The following FOCAD variants were observed in gnomAD, a reference collection of about 807,000 sequenced individuals.
FOCAD encodes focadhesin, also known as KIAA1797.
In FOCAD, 198 loss-of-function variants were observed where a neutral mutation model predicts 225.6. The observed-to-expected ratio is 0.88, with a 90% CI of 0.78 to 0.99. FOCAD has a LOEUF of 0.99. Ranked by LOEUF, FOCAD falls within the 50% of genes least tolerant of loss-of-function variation. FOCAD has a pLI of 0.00. For synonymous variants in FOCAD, 897 were observed against 755.0 expected, an observed-to-expected ratio of 1.19 and a Z score of -3.08; for missense variants, 2,713 against 2,123.6, an observed-to-expected ratio of 1.28 and a Z score of -5.46.
intron 10 of FOCAD, among the ~76,000 whole-genome samples, chr9:20,785,659 T>C (rs898771546): frequency 2.0e-5 from 3 of 152,234 alleles, no homozygotes; most frequent in African/African-American, 7.2e-5. Context: ...TCCTTTTCTT[T>C]TGTTGACGAA....
At position 20,781,810 on chromosome 9, in the gene FOCAD, T is replaced by G. The variant is rs978787967; in HGVS notation, c.1078T>G (p.Ser360Ala). 5.6e-6 allele frequency: 9 copies of G among 1,614,012 alleles called. No individual in the cohort carries two copies. The highest frequency in any genetic ancestry group is 7.6e-6 in the Non-Finnish European group (9 of 1,179,986). ...AGTGATGCCAATTCTGCAGATACTA[T>G]CTTCTACTGCCTTGGAAGACTGTAT... Reference protein sequence around the residue: ...LLVMPILQILSSTALEDCISV... With the variant: ...LLVMPILQILASTALEDCISV... Residue 360 changes from serine to alanine, a missense_variant, in exon 10 of 44, where the codon TCT becomes GCT. Ser to Ala is a moderately conservative substitution (Grantham distance 99, BLOSUM62 1). Coordinates refer to ENST00000338382, the MANE Select transcript of FOCAD (RefSeq NM_001375567.1).
chr9:20,665,956 G>A (rs1158006818), intron 2 of FOCAD, among the ~76,000 whole-genome samples: 3 of 151,982 alleles, frequency 2.0e-5, no homozygotes, highest in Admixed American at 6.6e-5. Flanking sequence ...GTGCAATGGC[G>A]TGGTCTCAGC....
chr9:20,823,047 A>G lies in FOCAD; in HGVS notation c.1852A>G (p.Thr618Ala), dbSNP rs1312033391. The G allele has an allele frequency of 6.2e-7, 1 of 1,610,086 alleles. No individual in the cohort carries two copies. Among genetic ancestry groups the G allele is most frequent in the South Asian group, 1.1e-5 (1 of 90,656 alleles). Residue 618 changes from threonine to alanine, a missense_variant, in exon 15 of 44, where the codon ACC becomes GCC. Thr to Ala is a moderately conservative substitution (Grantham distance 58). Coordinates refer to ENST00000338382, the MANE Select transcript of FOCAD (RefSeq NM_001375567.1). ...AAISQVLNEC[T>A]KPDQATPAAL... Reference sequence around the variant, plus strand: ...TATTTCTCAAGTGTTGAATGAATGCACCAAGCCTGATCAAGCTACTCCAGC... The same window carrying G: ...TATTTCTCAAGTGTTGAATGAATGCGCCAAGCCTGATCAAGCTACTCCAGC...
At chr9:20,921,154 C>G (rs1834388164) in intron 24 of FOCAD, among the ~76,000 whole-genome samples, 1 of 151,898 alleles carries the variant, frequency 6.6e-6, no homozygotes, top group South Asian at 2.1e-4. Flanking sequence ...ATTTATTTCC[C>G]TTATTATTTA....
intron 11 of FOCAD, among the ~76,000 whole-genome samples, chr9:20,804,862 CG>C (rs1220060488): frequency 7.7e-6 from 1 of 129,070 alleles, no homozygotes; most frequent in African/African-American, 3.0e-5. Context: ...AAATCAGTGG[CG>C]GGGGGTGGGG....
intron 24 of FOCAD, among the ~76,000 whole-genome samples, chr9:20,921,970 C>T (rs917290918): frequency 3.9e-5 from 6 of 152,148 alleles, no homozygotes; most frequent in African/African-American, 9.7e-5. Context: ...ACTCAGATCA[C>T]TCAAAATTTA....
At chr9:20,884,802 C>T (rs1038906735) in intron 20 of FOCAD, among the ~76,000 whole-genome samples, 4 of 151,864 alleles carry the variant, frequency 2.6e-5, no homozygotes, top group Non-Finnish European at 5.9e-5. Flanking sequence ...TGGCTCACAC[C>T]TGTAATCCCA....
At chr9:20,940,401 C>G (rs2132289143) in intron 28 of FOCAD, among the ~76,000 whole-genome samples, 1 of 152,078 alleles carries the variant, frequency 6.6e-6, no homozygotes, top group Admixed American at 6.5e-5. Flanking sequence ...ATCCTCCTGC[C>G]TCAGCCTCAA....
At chr9:20,868,772 C>T (rs916572111) in intron 18 of FOCAD, among the ~76,000 whole-genome samples, 4 of 151,886 alleles carry the variant, frequency 2.6e-5, no homozygotes, top group African/African-American at 4.8e-5. Flanking sequence ...AACAATAGCT[C>T]ACTGCAGTGG....
intron 28 of FOCAD, among the ~76,000 whole-genome samples, chr9:20,939,747 T>A: frequency 6.6e-6 from 1 of 151,368 alleles, no homozygotes; most frequent in South Asian, 2.1e-4. Flanking sequence ...ATTTTATTTT[T>A]TTTCTTTCTT....
chr9:20,833,293 C>A (rs1356735571), intron 15 of FOCAD, among the ~76,000 whole-genome samples: 1 of 151,940 alleles, frequency 6.6e-6, no homozygotes, highest in African/African-American at 2.4e-5. Flanking sequence ...TTACCAATAG[C>A]AGTCCTGAAT....
At chr9:20,716,940 A>G (rs1245424337) in intron 2 of FOCAD, among the ~76,000 whole-genome samples, 9 of 152,188 alleles carry the variant, frequency 5.9e-5, no homozygotes, top group African/African-American at 1.9e-4. Context: ...TCTTAGTGGC[A>G]CACAGTATAA....
At position 20,729,857 on chromosome 9, in the gene FOCAD, A is replaced by C. The variant is rs567930416; in HGVS notation, c.287+9323A>C. Among the ~76,000 whole-genome samples the C allele has an allele frequency of 1.5e-3, 228 of 152,282 alleles. 2 individuals carry two copies. The highest frequency in any genetic ancestry group is 5.2e-3 in the African/African-American group (217 of 41,550). On this transcript the variant is annotated intron_variant, in intron 4 of 43. Transcript: ENST00000338382. The stretch of plus-strand genomic sequence containing the variant: ...GATAGAAGGAGGAGAGATTGAGTGA[A>C]TGGAGAATCAGTGTCAAATATAATT...
intron 33 of FOCAD, 138 bp from the exon 34 acceptor site, chr9:20,950,857 AT>A: frequency 1.5e-6 from 1 of 682,436 alleles, no homozygotes; most frequent in South Asian, 1.7e-5. Context: ...GACACATGAT[AT>A]TACATCTTGT....
At chr9:20,755,880 A>C (rs756078829) in intron 5 of FOCAD, among the ~76,000 whole-genome samples, 12 of 151,976 alleles carry the variant, frequency 7.9e-5, no homozygotes, top group African/African-American at 2.7e-4. Flanking sequence ...GGCTGATGTC[A>C]AATCCCTGGC....
At chr9:20,947,206 T>G (rs959609659) in intron 30 of FOCAD, among the ~76,000 whole-genome samples, 11 of 152,030 alleles carry the variant, frequency 7.2e-5, no homozygotes, top group African/African-American at 2.7e-4. Context: ...CTTCAGAAAA[T>G]TCAAGGCAGA....
chr9:20,926,133 A>G (rs1034117472), intron 25 of FOCAD, among the ~76,000 whole-genome samples, 168 bp from the exon 26 acceptor site: 26 of 148,224 alleles, frequency 1.8e-4, no homozygotes, highest in African/African-American at 6.3e-4. Context: ...ATATTTGTCA[A>G]CTACCTGTAT....
chr9:20,988,505 GTTTTGCC>G, intron 41 of FOCAD, 76 bp downstream of exon 41: 1 of 375,154 alleles, frequency 2.7e-6, no homozygotes, highest in Admixed American at 4.1e-5. Flanking sequence ...AGTAATTGCG[GTTTTGCC>G]ATTAATTGGC....
intron 8 of FOCAD, 80 bp downstream of exon 8, chr9:20,770,318 G>T: frequency 7.7e-7 from 1 of 1,302,214 alleles, no homozygotes; most frequent in Middle Eastern, 2.1e-4. Flanking sequence ...AAAGAAATGA[G>T]GTTTAATTGG....
Sources: allele counts gnomAD v4.1 joint callset (sites outside exome capture counted in the v4.1 genomes callset), GRCh38; gene constraint gnomAD v4.1.1; transcripts MANE v1.5; gene names NCBI Gene and HGNC (gene_info 2026-07-23, HGNC 2026-07-21).